Variants in ZNF695 observed in about 807,000 individuals in gnomAD.
ZNF695 encodes zinc finger protein SBZF3.
A neutral mutation model predicts 11.2 loss-of-function variants in ZNF695; 11 were observed. That is an observed-to-expected ratio of 0.98 (90% CI 0.62 to 1.62). The LOEUF (loss-of-function observed/expected upper bound fraction) is 1.62. ZNF695 is among the 40% of genes most tolerant of loss of function. The probability of loss-of-function intolerance (pLI) is 0.00; values close to 1 mark genes in which losing one functional copy is unlikely to be tolerated. For missense variants in ZNF695, 559 were observed against 590.5 expected (o/e 0.95, Z 0.55); for synonymous variants, 190 against 201.4 (o/e 0.94, Z 0.48).
At chr1:246,962,787 G>A (rs149366673) in intron 5 of ZNF695, among the ~76,000 whole-genome samples, 2,086 of 151,806 alleles carry the variant, frequency 0.014, 41 homozygotes, top group African/African-American at 0.047. Context: ...CCACCTCCCA[G>A]GTTCACGCCA....
intron 5 of ZNF695, among the ~76,000 whole-genome samples, chr1:246,953,460 A>G (rs1667915770): frequency 6.6e-6 from 1 of 151,890 alleles, no homozygotes; most frequent in Non-Finnish European, 1.5e-5. Flanking sequence ...AAATATAAAA[A>G]ATTAGCCAGG....
Position 246,958,249 on chromosome 1 carries a change from A to G in ZNF695, c.488+9446T>C, listed in dbSNP as rs555808930. ...AATTTTTTGTATTTTTAGTAGAGAC[A>G]GGGTTTCACCATGTTAGCCAGGATG... On this transcript the variant is annotated intron_variant, in intron 5 of 5. Transcript: ENST00000487338. 8.6e-4 allele frequency among the ~76,000 whole-genome samples: 131 copies of G among 151,838 alleles called. No homozygotes were observed. In the Middle Eastern group the frequency reaches 0.01, roughly 12 times the overall value.
chr1:246,986,703 A>T lies in ZNF695; in HGVS notation c.*264T>A. 3 of 1,138,018 alleles carry T rather than the reference A, an allele frequency of 2.6e-6. No homozygotes were observed. The highest frequency in any genetic ancestry group is 8.8e-5 in the East Asian group (2 of 22,788). The allele number at this position is 1,138,018 out of a possible 1,614,324, so 70.5% of individuals were successfully genotyped here. On this transcript the variant is annotated 3_prime_UTR_variant, in exon 4 of 4. Coordinates refer to ENST00000339986, the MANE Select transcript of ZNF695 (RefSeq NM_020394.5). ...ATACAAAGTCTTTGAAATTGAATAC[A>T]GTTTGAGCAACTGGAGGGTTTCCCT...
At chr1:246,953,164 C>A (rs1311898965) in intron 5 of ZNF695, among the ~76,000 whole-genome samples, 1 of 152,080 alleles carries the variant, frequency 6.6e-6, no homozygotes, top group Non-Finnish European at 1.5e-5. Flanking sequence ...TGGAGGGAGG[C>A]TTAAGGGAAC....
At chr1:246,956,309 A>T (rs1667999868) in intron 5 of ZNF695, among the ~76,000 whole-genome samples, 1 of 151,644 alleles carries the variant, frequency 6.6e-6, no homozygotes, top group Non-Finnish European at 1.5e-5. Context: ...TATTTTTAAA[A>T]AAATCTATAA....
chr1:246,974,730 G>T (rs557854471), intron 4 of ZNF695, among the ~76,000 whole-genome samples: 1 of 152,296 alleles, frequency 6.6e-6, no homozygotes, highest in South Asian at 2.1e-4. Flanking sequence ...GGTACATGAG[G>T]ACTCTGAGGT....
intron 5 of ZNF695, chr1:246,966,932 CT>C (rs1022009852): frequency 3.0e-5 from 13 of 430,950 alleles, no homozygotes; most frequent in African/African-American, 6.2e-5. Flanking sequence ...TTAAATGTTA[CT>C]TTTTTTGTTG....
At chr1:247,003,651 T>C (rs1212714463) in intron 1 of ZNF695, among the ~76,000 whole-genome samples, 1 of 152,168 alleles carries the variant, frequency 6.6e-6, no homozygotes, top group Non-Finnish European at 1.5e-5. Context: ...GGGGAAAAAG[T>C]TTCTCTATCT....
chr1:246,972,903 C>T (rs184542601), intron 4 of ZNF695, among the ~76,000 whole-genome samples: 1 of 148,774 alleles, frequency 6.7e-6, no homozygotes, highest in East Asian at 2.0e-4. Context: ...CAAGTCTACT[C>T]TGTGATGTCA....
intron 4 of ZNF695, among the ~76,000 whole-genome samples, chr1:246,976,311 A>G (rs1315954549): frequency 6.6e-6 from 1 of 152,210 alleles, no homozygotes; most frequent in Non-Finnish European, 1.5e-5. Flanking sequence ...CTACATTTGC[A>G]AAACAATTTT....
At chr1:247,006,335 G>A (rs1669536835) in intron 1 of ZNF695, among the ~76,000 whole-genome samples, 1 of 151,998 alleles carries the variant, frequency 6.6e-6, no homozygotes, top group African/African-American at 2.4e-5. Flanking sequence ...CAAATAAGCC[G>A]GGCGCGGTGG....
In ZNF695 at chr1:246,987,378, T is replaced by C. The variant is rs1050935896; in HGVS notation, c.1137A>G (p.Pro379=). 6.2e-7 allele frequency: 1 copy of C among 1,612,866 alleles called. No homozygotes were observed. Among genetic ancestry groups the C allele is most frequent in the Non-Finnish European group, 8.5e-7 (1 of 1,179,564 alleles). Residue 379 remains proline (P), a synonymous_variant, in exon 4 of 4, where the codon CCA becomes CCG. Coordinates refer to ENST00000339986, the MANE Select transcript of ZNF695 (RefSeq NM_020394.5). ...CTTTGCCACATTCCTCACATTTGTATGGTTTCTCACCAGTATGAATTCTCC... is the reference window on the plus strand; with the variant it reads ...CTTTGCCACATTCCTCACATTTGTACGGTTTCTCACCAGTATGAATTCTCC... The part of the protein sequence containing the change: ...EHRRIHTGEK[P]YKCEECGKAF...
chr1:246,983,687 G>C (rs1668769685), downstream of ZNF695, among the ~76,000 whole-genome samples: 1 of 152,122 alleles, frequency 6.6e-6, no homozygotes, highest in East Asian at 1.9e-4. Context: ...GCATGGTGGT[G>C]CGTGCCTGTA....
intron 2 of ZNF695, 35 bp downstream of exon 2, chr1:246,999,877 A>G: frequency 6.2e-7 from 1 of 1,606,024 alleles, no homozygotes; most frequent in Non-Finnish European, 8.5e-7. Flanking sequence ...AACTCCCAGA[A>G]AACATTCTAC....
At chr1:246,962,128 A>T (rs1375198755) in intron 5 of ZNF695, among the ~76,000 whole-genome samples, 2 of 152,236 alleles carry the variant, frequency 1.3e-5, no homozygotes. Context: ...TGGCTAACAA[A>T]TTAAAGCAAT....
At chr1:246,971,468 G>A (rs1033001375) in intron 4 of ZNF695, among the ~76,000 whole-genome samples, 3 of 151,986 alleles carry the variant, frequency 2.0e-5, no homozygotes, top group Non-Finnish European at 4.4e-5. Flanking sequence ...AATTCCCCAG[G>A]GAAAGGGAGA....
chr1:246,977,075 G>T (rs556139923), intron 4 of ZNF695, among the ~76,000 whole-genome samples: 2 of 152,126 alleles, frequency 1.3e-5, no homozygotes, highest in African/African-American at 4.8e-5. Context: ...CCTGCCATTC[G>T]CAAAGTTTAT....
intron 4 of ZNF695, among the ~76,000 whole-genome samples, chr1:246,980,263 G>T (rs1038049003): frequency 1.4e-5 from 2 of 147,456 alleles, no homozygotes; most frequent in African/African-American, 5.0e-5. Flanking sequence ...AAACAGCCTT[G>T]AAAGACTGAT....
intron 4 of ZNF695, among the ~76,000 whole-genome samples, chr1:246,971,897 G>A (rs948914388): frequency 6.6e-6 from 1 of 152,056 alleles, no homozygotes; most frequent in Non-Finnish European, 1.5e-5. Flanking sequence ...TGTATTTTTA[G>A]TACAGACGGG....
Sources: gnomAD v4.1 joint callset for allele counts (sites outside exome capture counted in the v4.1 genomes callset) on GRCh38, gnomAD v4.1.1 for gene constraint, MANE v1.5 for transcripts, NCBI Gene and HGNC (gene_info 2026-07-23, HGNC 2026-07-21) for gene names.